Variants in TASP1 observed in about 807,000 individuals in gnomAD.
TASP1 encodes taspase 1.
A neutral mutation model predicts 56.6 loss-of-function variants in TASP1; 16 were observed. That is an observed-to-expected ratio of 0.28 (90% confidence interval 0.19 to 0.43). TASP1 has a LOEUF of 0.43. Ranked by LOEUF, TASP1 falls within the 20% of genes least tolerant of loss-of-function variation. TASP1 has a pLI of 1.00. For missense variants in TASP1, 393 were observed against 511.6 expected (o/e 0.77, Z 2.24); for synonymous variants, 179 against 184.2 (o/e 0.97, Z 0.23).
At chr20:13,424,989 G>A in intron 12 of TASP1, among the ~76,000 whole-genome samples, 1 of 152,160 alleles carries the variant, frequency 6.6e-6, no homozygotes. Context: ...TTGGAGAATG[G>A]CTTAGATAGG....
At chr20:13,404,375 G>A (rs2041842932) in intron 13 of TASP1, among the ~76,000 whole-genome samples, 1 of 152,192 alleles carries the variant, frequency 6.6e-6, no homozygotes, top group Non-Finnish European at 1.5e-5. Context: ...GGCCGAGGCG[G>A]GAGTATTGCT....
chr20:13,303,218 G>GCTCTC, the TASP1 span, among the ~76,000 whole-genome samples: 3 of 152,176 alleles, frequency 2.0e-5, no homozygotes, highest in African/African-American at 7.2e-5. Flanking sequence ...TAACGCCTGT[G>GCTCTC]CTCTCCTCTC....
the TASP1 span, among the ~76,000 whole-genome samples, chr20:13,169,844 T>C: frequency 6.6e-6 from 1 of 152,212 alleles, no homozygotes; most frequent in South Asian, 2.1e-4. Flanking sequence ...CAGATTGCTT[T>C]GAAGCACATC....
the TASP1 span, among the ~76,000 whole-genome samples, chr20:13,250,013 G>T: frequency 6.6e-6 from 1 of 152,094 alleles, no homozygotes; most frequent in Non-Finnish European, 1.5e-5. Context: ...GATTTCCATC[G>T]ATCGCTTCCA....
At position 13,528,529 on chromosome 20, in the gene TASP1, T is replaced by C. The variant is rs1030662520; in HGVS notation, c.796-18A>G. 2 of 1,585,896 alleles carry C rather than the reference T, an allele frequency of 1.3e-6. No homozygotes were observed. Among genetic ancestry groups the C allele is most frequent in the Non-Finnish European group, 1.7e-6 (2 of 1,164,988 alleles). On this transcript the variant is annotated intron_variant, in intron 9 of 13. Transcript: ENST00000337743. ...AGAGCAGCCTGGGGAAAAAAGAAAA[T>C]AGATATAATATTTCAGAAATATCAT...
At chr20:13,377,515 G>A in the TASP1 span, among the ~76,000 whole-genome samples, 1 of 152,212 alleles carries the variant, frequency 6.6e-6, no homozygotes, top group African/African-American at 2.4e-5. Context: ...GTTCATCAGG[G>A]ATATTGGACT....
In TASP1 at chr20:13,630,085, A is replaced by G. The variant is rs767983934; in HGVS notation, c.-7T>C. On this transcript the variant is annotated 5_prime_UTR_variant, in exon 2 of 14. Transcript: ENST00000337743. ...TCCCCTTCTCCATGGTCATTCTCCA[A>G]GATTACCATCTTCTACTGAGAAAGG... is the stretch of plus-strand genomic sequence containing the variant. 32 of 1,611,482 alleles carry G rather than the reference A, an allele frequency of 2.0e-5. No homozygotes were observed. The highest frequency in any genetic ancestry group is 2.5e-5 in the Non-Finnish European group (30 of 1,179,272).
intron 5 of TASP1, 136 bp downstream of exon 5, chr20:13,587,114 T>A: frequency 2.5e-6 from 3 of 1,185,098 alleles, no homozygotes; most frequent in Non-Finnish European, 3.5e-6. Context: ...ATGTTTTAAA[T>A]TCAATAAAAA....
chr20:13,544,549 C>T (rs1307391609), intron 8 of TASP1, among the ~76,000 whole-genome samples: 1 of 152,144 alleles, frequency 6.6e-6, no homozygotes, highest in Admixed American at 6.6e-5. Flanking sequence ...ACACAACATG[C>T]TACTAACATA....
intron 13 of TASP1, among the ~76,000 whole-genome samples, chr20:13,396,331 C>T (rs1285115515): frequency 2.0e-5 from 3 of 152,194 alleles, no homozygotes; most frequent in African/African-American, 4.8e-5. Flanking sequence ...AGAGTTTGGT[C>T]GTCAGACTTC....
At chr20:13,618,931 A>C (rs1429342854) in intron 4 of TASP1, among the ~76,000 whole-genome samples, 1 of 151,796 alleles carries the variant, frequency 6.6e-6, no homozygotes, top group African/African-American at 2.4e-5. Context: ...GCAGTGGCAC[A>C]GTCTCGGCTC....
the TASP1 span, among the ~76,000 whole-genome samples, chr20:13,149,300 T>C: frequency 1.3e-3 from 197 of 152,320 alleles, no homozygotes; most frequent in African/African-American, 4.4e-3. Flanking sequence ...AAGCTTCCCT[T>C]TGCCATCCTA....
chr20:13,380,927 C>T, the TASP1 span, among the ~76,000 whole-genome samples: 91 of 152,260 alleles, frequency 6.0e-4, no homozygotes, highest in Non-Finnish European at 5.7e-4. Context: ...GCCCCTCCCC[C>T]CTCCAAGCTC....
intron 9 of TASP1, among the ~76,000 whole-genome samples, chr20:13,528,731 T>C (rs1290132252): frequency 1.3e-5 from 2 of 152,096 alleles, no homozygotes; most frequent in Admixed American, 6.6e-5. Flanking sequence ...TTTCAGAAAA[T>C]AGCAAAAGCA....
chr20:13,176,785 A>G, the TASP1 span, among the ~76,000 whole-genome samples: 1 of 152,264 alleles, frequency 6.6e-6, no homozygotes, highest in South Asian at 2.1e-4. Context: ...AAATTAATAT[A>G]CAAAAATCAG....
At chr20:13,517,856 G>A (rs2044597859) in intron 10 of TASP1, among the ~76,000 whole-genome samples, 1 of 152,062 alleles carries the variant, frequency 6.6e-6, no homozygotes, top group South Asian at 2.1e-4. Flanking sequence ...CCTAATTAGA[G>A]TATGCAATAA....
the TASP1 span, among the ~76,000 whole-genome samples, chr20:13,362,576 T>A: frequency 6.6e-6 from 1 of 150,696 alleles, no homozygotes; most frequent in Non-Finnish European, 1.5e-5. Flanking sequence ...CCCACCCTTA[T>A]CTCCCTTTGC....
At chr20:13,221,854 C>A in the TASP1 span, 1 of 1,434,614 alleles carries the variant, frequency 7.0e-7, no homozygotes, top group South Asian at 1.4e-5. Context: ...TGCTGCGCGG[C>A]TCGGGAGCCG....
chr20:13,158,338 G>A, the TASP1 span, among the ~76,000 whole-genome samples: 1 of 152,254 alleles, frequency 6.6e-6, no homozygotes, highest in African/African-American at 2.4e-5. Flanking sequence ...AGTAGTGTAA[G>A]GTTTAAATTC....
Sources: allele counts gnomAD v4.1 joint callset (sites outside exome capture counted in the v4.1 genomes callset), GRCh38; gene constraint gnomAD v4.1.1; transcripts MANE v1.5; gene names NCBI Gene and HGNC (gene_info 2026-07-23, HGNC 2026-07-21).